CEP120: variants seen among roughly 807,000 people sequenced by gnomAD.
CEP120 encodes the protein centrosomal protein 120, also known as centrosomal protein of 120 kDa.
In CEP120, 113 loss-of-function variants were observed where a neutral mutation model predicts 126.5. The ratio of observed to expected loss-of-function variants is 0.89; its 90% confidence interval spans 0.77 to 1.04. CEP120 has a LOEUF of 1.04. Among genes scored for constraint, CEP120 ranks in the 50% least tolerant of loss-of-function variants. The pLI is 0.00. For missense variants in CEP120, 1,230 were observed against 1,155.7 expected (o/e 1.06, Z -0.93); for synonymous variants, 400 against 394.3 (o/e 1.01, Z -0.17).
At chr5:123,412,944 T>C (rs912000769) in intron 3 of CEP120, among the ~76,000 whole-genome samples, 4 of 152,186 alleles carry the variant, frequency 2.6e-5, no homozygotes, top group East Asian at 1.9e-4. Context: ...CTTTCTGCCA[T>C]AGACCTGCTT....
rs1480192939 is a variant in CEP120, at chr5:123,388,422, C to A, written c.1430+10G>T. On this transcript the variant is annotated intron_variant, in intron 9 of 19. Coordinates refer to ENST00000306467, the MANE Select transcript of CEP120 (RefSeq NM_001375405.1). ...AGAAAATAATACTTTGAAACAAAATCAAATCACACCTTAATATACAGTTGA... is the reference window on the plus strand; with the variant it reads ...AGAAAATAATACTTTGAAACAAAATAAAATCACACCTTAATATACAGTTGA... 2.0e-6 allele frequency: 3 copies of A among 1,470,404 alleles called. No homozygotes were observed. The South Asian group carries it at 4.4e-5, about 22-fold the overall frequency. 91.1% of individuals were successfully genotyped at this position (1,470,404 alleles called of 1,614,324 possible).
intron 19 of CEP120, among the ~76,000 whole-genome samples, chr5:123,349,212 G>A (rs949211129): frequency 1.3e-5 from 2 of 152,084 alleles, no homozygotes; most frequent in Non-Finnish European, 2.9e-5. Flanking sequence ...GCAATCTCTG[G>A]AATCGGATCT....
At chr5:123,403,700 A>G in intron 4 of CEP120, 1 of 421,584 alleles carries the variant, frequency 2.4e-6, no homozygotes, top group African/African-American at 2.1e-5. Context: ...CCACCTGATA[A>G]GATGCAATGG....
At chr5:123,398,635 C>T (rs1213366699) in intron 5 of CEP120, among the ~76,000 whole-genome samples, 2 of 152,192 alleles carry the variant, frequency 1.3e-5, no homozygotes, top group Non-Finnish European at 2.9e-5. Flanking sequence ...TGTTCTTGCT[C>T]TGCTACTAAG....
intron 4 of CEP120, among the ~76,000 whole-genome samples, chr5:123,410,433 T>A (rs1217206415): frequency 6.6e-6 from 1 of 152,234 alleles, no homozygotes; most frequent in African/African-American, 2.4e-5. Context: ...TGACTTCAAG[T>A]CTTACTTGAA....
In CEP120 at chr5:123,384,977, T is replaced by C. The variant is rs1771918645; in HGVS notation, c.1737A>G (p.Glu579=). 1 of 1,611,674 alleles carries C rather than the reference T, an allele frequency of 6.2e-7. No homozygotes were observed. The highest frequency in any genetic ancestry group is 8.5e-7 in the Non-Finnish European group (1 of 1,179,056). The change falls in exon 11 of 20, where the codon GAA becomes GAG. Residue 579 remains glutamate (E), a synonymous_variant. Transcript: ENST00000306467. ...GEQCWRQTYS[E]SVPVIAAQGS... ...CTTGTGCTGCTATAACAGGCACACTTTCACTGTAAGTTTGACGCCAACACT... is the reference window on the plus strand; with the variant it reads ...CTTGTGCTGCTATAACAGGCACACTCTCACTGTAAGTTTGACGCCAACACT...
intron 17 of CEP120, among the ~76,000 whole-genome samples, chr5:123,365,517 A>G (rs981030113): frequency 3.3e-5 from 5 of 151,764 alleles, no homozygotes; most frequent in Non-Finnish European, 7.4e-5. Flanking sequence ...GAAAGGAAAA[A>G]CAGATGGTCA....
intron 4 of CEP120, chr5:123,400,805 A>C (rs1773159368): frequency 1.3e-6 from 1 of 767,058 alleles, no homozygotes; most frequent in Non-Finnish European, 2.3e-6. Flanking sequence ...ACTGAGGCCT[A>C]GGGCTGAGCC....
intron 18 of CEP120, among the ~76,000 whole-genome samples, chr5:123,354,083 A>T (rs1262310760): frequency 6.6e-6 from 1 of 152,122 alleles, no homozygotes; most frequent in Non-Finnish European, 1.5e-5. Flanking sequence ...CACAGCTTTC[A>T]CTAAATCCCA....
intron 13 of CEP120, 125 bp from the exon 14 acceptor site, chr5:123,382,325 TAAA>T (rs200376887): frequency 0.015 from 3,230 of 217,838 alleles, no homozygotes; most frequent in South Asian, 0.02. Flanking sequence ...TTTTTTATTC[TAAA>T]AAAAAAAAAA....
intron 4 of CEP120, among the ~76,000 whole-genome samples, chr5:123,406,558 G>A (rs758914840): frequency 6.7e-6 from 1 of 149,566 alleles, no homozygotes; most frequent in Non-Finnish European, 1.5e-5. Context: ...CAAGCAAGAA[G>A]GGTAGAGTGA....
intron 6 of CEP120, among the ~76,000 whole-genome samples, chr5:123,392,105 A>G (rs1772443504): frequency 2.0e-5 from 3 of 152,326 alleles, no homozygotes; most frequent in Admixed American, 2.0e-4. Context: ...ATCATCAGTG[A>G]AAGAGTTAAG....
Position 123,391,194 on chromosome 5 carries a change from T to C in CEP120, c.954A>G (p.Lys318=). Residue 318 remains lysine (K), a synonymous_variant, in exon 7 of 20, where the codon AAA becomes AAG. Coordinates refer to ENST00000306467, the MANE Select transcript of CEP120 (RefSeq NM_001375405.1). ...AFTLDPPNRA[K]QKLAPIPVEL... Reference sequence around the variant, plus strand: ...CCACAGGAATAGGTGCAAGCTTCTGTTTGGCTCTGTTTGGAGGGTCAAGGG... The same window carrying C: ...CCACAGGAATAGGTGCAAGCTTCTGCTTGGCTCTGTTTGGAGGGTCAAGGG... 5 of 1,614,120 alleles carry C rather than the reference T, an allele frequency of 3.1e-6. No homozygotes were observed. The South Asian group carries it at 5.5e-5, about 18-fold the overall frequency.
At chr5:123,351,769 TTC>T (rs35557380) in intron 18 of CEP120, among the ~76,000 whole-genome samples, 61,333 of 151,842 alleles carry the variant, frequency 0.4, 12,448 homozygotes, top group East Asian at 0.47. Flanking sequence ...TTTTAAATAA[TTC>T]TGTGTGAACT....
chr5:123,368,545 A>G (rs1770631862), intron 17 of CEP120, among the ~76,000 whole-genome samples: 2 of 152,020 alleles, frequency 1.3e-5, no homozygotes, highest in African/African-American at 4.8e-5. Context: ...AATTAAAGCA[A>G]TGTGGGGATA....
At chr5:123,404,254 A>G (rs891785168) in intron 4 of CEP120, among the ~76,000 whole-genome samples, 1 of 152,244 alleles carries the variant, frequency 6.6e-6, no homozygotes, top group African/African-American at 2.4e-5. Context: ...AAAAATAATA[A>G]AGCCTCTAGA....
intron 10 of CEP120, 102 bp downstream of exon 10, chr5:123,386,416 C>T (rs1562046948): frequency 1.2e-6 from 1 of 812,736 alleles, no homozygotes. Flanking sequence ...AATGCATAAA[C>T]TGCTATGGAT....
At chr5:123,363,431 T>C (rs894520325) in intron 18 of CEP120, among the ~76,000 whole-genome samples, 3 of 151,634 alleles carry the variant, frequency 2.0e-5, no homozygotes, top group African/African-American at 7.3e-5. Flanking sequence ...ACACCTGGTA[T>C]AATATTATTT....
intron 17 of CEP120, among the ~76,000 whole-genome samples, chr5:123,370,652 A>ATATGT (rs1770787199): frequency 7.4e-6 from 1 of 134,502 alleles, no homozygotes; most frequent in Admixed American, 8.0e-5. Flanking sequence ...TAGTGTATAT[A>ATATGT]TATGTTATAT....
Sources: allele counts gnomAD v4.1 joint callset (sites outside exome capture counted in the v4.1 genomes callset), GRCh38; gene constraint gnomAD v4.1.1; transcripts MANE v1.5; gene names NCBI Gene and HGNC (gene_info 2026-07-23, HGNC 2026-07-21).